The following THAP12 variants were observed in gnomAD, a reference collection of about 807,000 sequenced individuals.
The protein encoded by THAP12 is 52 kDa repressor of the inhibitor of the protein kinase.
In THAP12, 20 loss-of-function variants were observed where a neutral mutation model predicts 63.0. That is an observed-to-expected ratio of 0.32 (90% confidence interval 0.22 to 0.46). The LOEUF is 0.46. THAP12 is among the 20% of genes least tolerant of loss of function. The pLI, the probability that THAP12 is intolerant of heterozygous loss-of-function variation, is 1.00. For synonymous variants in THAP12, 264 were observed against 328.4 expected (o/e 0.80, Z 2.12); for missense variants, 568 against 908.2 (o/e 0.63, Z 4.81).
rs1351945337 is a variant in THAP12 at position 76,352,652 on chromosome 11, T to G, written c.498A>C (p.Leu166=). ...GAATCAAGATTTCAAATAGAGATTT[T>G]AGGTATTCTTTGTTTTCCTTCTCTT... ...TLEEKENKEY[L]KSLFEILILM... is the part of the protein sequence containing the mutation. Residue 166 remains leucine (L), a synonymous_variant, in exon 5 of 5, where the codon CTA becomes CTC. Coordinates refer to ENST00000260045, the MANE Select transcript of THAP12 (RefSeq NM_004705.4). 4.3e-6 allele frequency: 7 copies of G among 1,612,016 alleles called. No homozygotes were observed. In the South Asian group the frequency reaches 6.6e-5, roughly 15 times the overall value.
At position 76,350,964 on chromosome 11, in the gene THAP12, A is replaced by G. The variant is rs775481876; in HGVS notation, c.2186T>C (p.Ile729Thr). Reference protein sequence around the residue: ...NLALLNINFDIKHDLDLMVDT... With the variant: ...NLALLNINFDTKHDLDLMVDT... ...CACCATTAAATCCAGGTCGTGTTTT[A>G]TATCAAAATTTATGTTAAGCAAAGC... Residue 729 changes from isoleucine (I) to threonine (T), a missense_variant, in exon 5 of 5, where the codon ATA (isoleucine) becomes ACA (threonine). Physicochemically the swap from Ile to Thr is moderately conservative, Grantham distance 89. Transcript: ENST00000260045. The G allele has an allele frequency of 9.9e-6, 16 of 1,611,350 alleles. No individual in the cohort carries two copies. The highest frequency in any genetic ancestry group is 6.7e-5 in the Admixed American group (4 of 59,902).
chr11:76,376,620 T>C (rs1030106526), intron 1 of THAP12, among the ~76,000 whole-genome samples: 8 of 141,712 alleles, frequency 5.6e-5, no homozygotes, highest in African/African-American at 2.1e-4. Context: ...TCTATGTTTT[T>C]TTTGTTTTTT....
At chr11:76,367,428 A>T (rs1432166921) in intron 1 of THAP12, among the ~76,000 whole-genome samples, 1 of 149,696 alleles carries the variant, frequency 6.7e-6, no homozygotes, top group African/African-American at 2.5e-5. Context: ...ACAGTATCAC[A>T]AATTATTTTT....
intron 1 of THAP12, 114 bp from the exon 2 acceptor site, chr11:76,366,086 G>C: frequency 8.2e-7 from 1 of 1,212,514 alleles, no homozygotes; most frequent in Non-Finnish European, 1.1e-6. Context: ...CCCTCCCTGA[G>C]AACATAATTT....
At chr11:76,380,038 A>C (rs1032540636) in intron 1 of THAP12, among the ~76,000 whole-genome samples, 1 of 152,192 alleles carries the variant, frequency 6.6e-6, no homozygotes, top group African/African-American at 2.4e-5. Flanking sequence ...TGAACCAACA[A>C]GACAGGCCTA....
rs765091289 is a variant in THAP12 at position 76,351,244 on chromosome 11, C to T, written c.1906G>A (p.Asp636Asn). The T allele has an allele frequency of 1.3e-6, 2 of 1,556,162 alleles. No individual in the cohort carries two copies. The highest frequency in any genetic ancestry group is 1.2e-5 in the South Asian group (1 of 80,864). ...CAATGAAGCTCAGCTGACAGCGTGT[C>T]AGGATTGGGTAAGTCACTTCTATAC... The part of the protein sequence containing the change: ...DMYRSDLPNP[D>N]TLSAELHCWR... Residue 636 changes from aspartate to asparagine, a missense_variant, in exon 5 of 5, where the codon GAC becomes AAC. Transcript: ENST00000260045.
rs1466362905 is a variant in THAP12 at position 76,351,230 on chromosome 11, A to G, written c.1920T>C (p.Ala640=). The change falls in exon 5 of 5, where the codon GCT becomes GCC. Residue 640 remains alanine (A), a synonymous_variant. Transcript: ENST00000260045. The stretch of plus-strand genomic sequence containing the variant: ...ATTTGATTCTCCAACAATGAAGCTC[A>G]GCTGACAGCGTGTCAGGATTGGGTA... ...SDLPNPDTLS[A]ELHCWRIKWK... The G allele has an allele frequency of 5.8e-6, 9 of 1,554,482 alleles. No individual in the cohort carries two copies. In the Admixed American group the frequency reaches 1.5e-4, roughly 26 times the overall value.
intron 2 of THAP12, among the ~76,000 whole-genome samples, chr11:76,363,254 C>T (rs556434825): frequency 6.6e-6 from 1 of 152,298 alleles, no homozygotes; most frequent in South Asian, 2.1e-4. Flanking sequence ...AAGATTTAAT[C>T]TTTAACTGCT....
chr11:76,355,698 A>G (rs1946556899), intron 3 of THAP12, 44 bp from the exon 4 acceptor site: 1 of 1,492,012 alleles, frequency 6.7e-7, no homozygotes, highest in African/African-American at 1.4e-5. Context: ...TCATCTTTAA[A>G]AAACTGACCT....
intron 2 of THAP12, among the ~76,000 whole-genome samples, chr11:76,364,727 T>C (rs550112363): frequency 2.1e-4 from 32 of 152,220 alleles, no homozygotes; most frequent in Non-Finnish European, 4.1e-4. Context: ...GGTCCTGATA[T>C]GAAATTACAT....
intron 1 of THAP12, among the ~76,000 whole-genome samples, chr11:76,373,650 T>A (rs2851156): frequency 0.95 from 144,234 of 151,462 alleles, 68,732 homozygotes; most frequent in African/African-American, 0.98. Context: ...TGAGCCCAGG[T>A]GGTTGAGGCT....
chr11:76,380,987 G>C lies in THAP12; in HGVS notation c.-151C>G, dbSNP rs1429480864. On this transcript the variant is annotated 5_prime_UTR_variant, in exon 1 of 5. Transcript: ENST00000260045. ...GAGGGGCGGGCGGGCTAGAAGCCGC[G>C]AGGGCCAGGAGGGGTGCCGCGGTCC... The C allele has an allele frequency of 2.3e-5, 7 of 302,878 alleles. No individual in the cohort carries two copies. Among genetic ancestry groups the C allele is most frequent in the African/African-American group, 1.3e-4 (6 of 44,794 alleles). 18.8% of individuals were successfully genotyped at this position (302,878 alleles called of 1,614,324 possible). A position where few individuals can be genotyped will look rare whatever the true frequency, so the allele number is the denominator to read the frequency against.
At chr11:76,371,277 C>T (rs963732959) in intron 1 of THAP12, among the ~76,000 whole-genome samples, 2 of 152,320 alleles carry the variant, frequency 1.3e-5, no homozygotes, top group African/African-American at 4.8e-5. Flanking sequence ...GTGTTCACTT[C>T]TATCCTGGGG....
intron 1 of THAP12, among the ~76,000 whole-genome samples, chr11:76,367,167 C>G (rs1946637284): frequency 6.6e-6 from 1 of 151,754 alleles, no homozygotes; most frequent in South Asian, 2.1e-4. Context: ...ACCTCTGCTT[C>G]CCGGGTTCAA....
chr11:76,380,828 G>T lies in THAP12; in HGVS notation c.9C>A (p.Asn3Lys). The part of the protein sequence containing the change: MP[N>K]FCAAPNCTRK... ...GCGTGCAGTTGGGGGCAGCGCAGAA[G>T]TTCGGCATCGTCGCCCGCCCGCCGG... The change falls in exon 1 of 5, where the codon AAC (asparagine) becomes AAA (lysine). Residue 3 changes from asparagine to lysine, a missense_variant. Physicochemically the swap from Asn to Lys is moderately conservative, Grantham distance 94. Coordinates refer to ENST00000260045, the MANE Select transcript of THAP12 (RefSeq NM_004705.4). 1 of 1,436,414 alleles carries T rather than the reference G, an allele frequency of 7.0e-7. No individual in the cohort carries two copies. The highest frequency in any genetic ancestry group is 1.4e-5 in the South Asian group (1 of 73,564). The allele number at this position is 1,436,414 out of a possible 1,614,324, so 89.0% of individuals were successfully genotyped here. A position where few individuals can be genotyped will look rare whatever the true frequency, so the allele number is the denominator to read the frequency against.
intron 2 of THAP12, chr11:76,364,248 T>G (rs1035293827): frequency 5.3e-6 from 1 of 189,206 alleles, no homozygotes; most frequent in African/African-American, 2.4e-5. Flanking sequence ...ACCTTTTATT[T>G]TGGTTGATCA....
At chr11:76,368,302 T>G (rs1340890263) in intron 1 of THAP12, among the ~76,000 whole-genome samples, 1 of 152,202 alleles carries the variant, frequency 6.6e-6, no homozygotes, top group Non-Finnish European at 1.5e-5. Context: ...AATAATCTTT[T>G]TAAAGCAAAC....
At position 76,351,452 on chromosome 11, in the gene THAP12, A is replaced by T. The variant is rs1946526240; in HGVS notation, c.1698T>A (p.Ser566=). The change falls in exon 5 of 5, where the codon TCT becomes TCA. Residue 566 remains serine, a synonymous_variant. Coordinates refer to ENST00000260045, the MANE Select transcript of THAP12 (RefSeq NM_004705.4). ...FRRAHQGNLE[S]QLTSESYYKE... ...TATAGTAACTCTCAGAGGTTAGCTG[A>T]GATTCCAAGTTACCCTGGTGAGCTC... 1 of 1,599,928 alleles carries T rather than the reference A, an allele frequency of 6.3e-7. No homozygotes were observed. Among genetic ancestry groups the T allele is most frequent in the Admixed American group, 1.7e-5 (1 of 59,756 alleles).
At chr11:76,364,508 A>C in intron 2 of THAP12, 1 of 317,100 alleles carries the variant, frequency 3.2e-6, no homozygotes, top group Non-Finnish European at 6.3e-6. Flanking sequence ...GTCTATCCCA[A>C]TATCTGAGGT....
Sources: gnomAD v4.1 joint callset for allele counts (sites outside exome capture counted in the v4.1 genomes callset) on GRCh38, gnomAD v4.1.1 for gene constraint, MANE v1.5 for transcripts, NCBI Gene and HGNC (gene_info 2026-07-23, HGNC 2026-07-21) for gene names.